ULK4: variants seen among roughly 807,000 people sequenced by gnomAD.
The protein encoded by ULK4 is unc-51 like kinase 4.
In ULK4, 133 loss-of-function variants were observed where a neutral mutation model predicts 160.6. The ratio of observed to expected loss-of-function variants is 0.83; its 90% CI spans 0.72 to 0.96. The LOEUF is 0.96. Among genes scored for constraint, ULK4 ranks in the 40% least tolerant of loss-of-function variants. The probability of loss-of-function intolerance (pLI) is 0.00; values close to 1 mark genes in which losing one functional copy is unlikely to be tolerated. For missense variants in ULK4, 1,580 were observed against 1,499.5 expected (o/e 1.05, Z -0.89); for synonymous variants, 534 against 539.8 (o/e 0.99, Z 0.15).
At chr3:41,628,140 A>T (rs2033603505) in intron 30 of ULK4, among the ~76,000 whole-genome samples, 1 of 152,212 alleles carries the variant, frequency 6.6e-6, no homozygotes, top group Non-Finnish European at 1.5e-5. Context: ...TGCTAATCAA[A>T]GTGTGGTCTG....
At chr3:41,524,965 C>CAA (rs2086063323) in intron 32 of ULK4, among the ~76,000 whole-genome samples, 1 of 151,948 alleles carries the variant, frequency 6.6e-6, no homozygotes, top group Non-Finnish European at 1.5e-5. Flanking sequence ...AACAAACAAA[C>CAA]AAACAAAACA....
intron 34 of ULK4, among the ~76,000 whole-genome samples, chr3:41,407,297 C>A (rs1454297752): frequency 6.6e-6 from 1 of 152,066 alleles, no homozygotes; most frequent in East Asian, 1.9e-4. Flanking sequence ...AGAAGTAATA[C>A]CAATTCTACA....
At chr3:41,876,264 T>G (rs1189772704) in intron 17 of ULK4, among the ~76,000 whole-genome samples, 1 of 152,176 alleles carries the variant, frequency 6.6e-6, no homozygotes, top group East Asian at 1.9e-4. Flanking sequence ...TGATTTATTT[T>G]TAGGAATTCC....
At chr3:41,919,860 A>G in intron 5 of ULK4, 42 bp from the exon 6 acceptor site, 1 of 1,441,092 alleles carries the variant, frequency 6.9e-7, no homozygotes, top group Non-Finnish European at 9.7e-7. Context: ...AGGCATTTGT[A>G]TTGCTGCCAA....
chr3:41,604,474 G>A (rs995751125), intron 31 of ULK4, among the ~76,000 whole-genome samples: 2 of 152,110 alleles, frequency 1.3e-5, no homozygotes, highest in African/African-American at 4.8e-5. Flanking sequence ...TAGAGCACAT[G>A]TGTGTTAAAC....
chr3:41,428,294 C>T (rs1271407675), intron 34 of ULK4, among the ~76,000 whole-genome samples: 1 of 152,148 alleles, frequency 6.6e-6, no homozygotes, highest in African/African-American at 2.4e-5. Context: ...AAAAACATTC[C>T]ATGCTCATGG....
At chr3:41,671,134 A>C (rs1022056107) in intron 29 of ULK4, among the ~76,000 whole-genome samples, 2 of 152,160 alleles carry the variant, frequency 1.3e-5, no homozygotes, top group African/African-American at 4.8e-5. Flanking sequence ...CAGAAAAATT[A>C]ATATCATTAA....
intron 23 of ULK4, among the ~76,000 whole-genome samples, 199 bp downstream of exon 23, chr3:41,717,519 TCTCATCATGC>T (rs920495044): frequency 2.0e-5 from 3 of 152,186 alleles, no homozygotes; most frequent in Admixed American, 6.5e-5. Context: ...TGTGGCATTG[TCTCATCATGC>T]CTCATCATGT....
chr3:41,789,616 A>C, intron 21 of ULK4, 45 bp downstream of exon 21: 1 of 1,484,242 alleles, frequency 6.7e-7, no homozygotes. Context: ...AATGCAGAAG[A>C]AAACAATTTT....
At chr3:41,300,837 T>TTATATATATATA (rs66602936) in intron 35 of ULK4, among the ~76,000 whole-genome samples, 23 of 57,850 alleles carry the variant, frequency 4.0e-4, no homozygotes, top group Non-Finnish European at 5.3e-4. Context: ...ATTTTACAGA[T>TTATATATATATA]TATATATATA....
At chr3:41,545,463 C>G (rs1013513681) in intron 32 of ULK4, among the ~76,000 whole-genome samples, 1 of 152,178 alleles carries the variant, frequency 6.6e-6, no homozygotes, top group African/African-American at 2.4e-5. Context: ...TTCTGCTTCT[C>G]TGGCCTCCAT....
chr3:41,550,978 G>T (rs2087040241), intron 32 of ULK4, among the ~76,000 whole-genome samples: 1 of 151,756 alleles, frequency 6.6e-6, no homozygotes. Context: ...ATACCATAAA[G>T]AATGCTGGAA....
chr3:41,426,499 A>G lies in ULK4; in HGVS notation c.3493-28235T>C, dbSNP rs2082778841. Among the ~76,000 whole-genome samples the G allele has an allele frequency of 1.3e-5, 2 of 152,210 alleles. 1 individual carries two copies. The highest frequency in any genetic ancestry group is 4.1e-4 in the South Asian group (2 of 4,832). On this transcript the variant is annotated intron_variant, in intron 34 of 36. Transcript: ENST00000301831. Reference sequence around the variant, plus strand: ...CTTGGTGCCAAATGGCACTTACTCTAAAGTTGATCACATAATCTGAAGCAA... The same window carrying G: ...CTTGGTGCCAAATGGCACTTACTCTGAAGTTGATCACATAATCTGAAGCAA...
chr3:41,327,981 G>A (rs974720743), intron 35 of ULK4, among the ~76,000 whole-genome samples: 2 of 152,282 alleles, frequency 1.3e-5, no homozygotes, highest in Admixed American at 1.3e-4. Context: ...TTTGGAAAGA[G>A]GGACTATACT....
intron 31 of ULK4, among the ~76,000 whole-genome samples, chr3:41,566,382 A>G (rs919964642): frequency 6.6e-5 from 10 of 152,222 alleles, no homozygotes; most frequent in African/African-American, 2.2e-4. Context: ...GAGCTGAGAG[A>G]TAACACATGG....
intron 7 of ULK4, among the ~76,000 whole-genome samples, chr3:41,916,704 A>ATTT (rs34268274): frequency 1.9e-4 from 24 of 126,846 alleles, no homozygotes; most frequent in Admixed American, 8.6e-4. Flanking sequence ...AGCTCCAACT[A>ATTT]TTTTTTTTTT....
chr3:41,771,177 C>A (rs888902162), intron 21 of ULK4, among the ~76,000 whole-genome samples: 1 of 152,116 alleles, frequency 6.6e-6, no homozygotes, highest in African/African-American at 2.4e-5. Flanking sequence ...CTATCTTTGT[C>A]AATTATAAAA....
intron 20 of ULK4, among the ~76,000 whole-genome samples, chr3:41,797,599 A>C (rs146170035): frequency 8.6e-4 from 131 of 152,268 alleles, no homozygotes; most frequent in Middle Eastern, 3.4e-3. Context: ...GTGGCTCACG[A>C]CTGTAATCCC....
chr3:41,822,644 C>G (rs1319215896), intron 18 of ULK4, among the ~76,000 whole-genome samples: 1 of 150,808 alleles, frequency 6.6e-6, no homozygotes, highest in Non-Finnish European at 1.5e-5. Context: ...GTCTCAAACT[C>G]CTGAGCTCAG....
Sources: gnomAD v4.1 joint callset for allele counts (sites outside exome capture counted in the v4.1 genomes callset) on GRCh38, gnomAD v4.1.1 for gene constraint, MANE v1.5 for transcripts, NCBI Gene and HGNC (gene_info 2026-07-23, HGNC 2026-07-21) for gene names.